AAR2: variants seen among roughly 807,000 people sequenced by gnomAD.
The protein encoded by AAR2 is AAR2 splicing factor.
AAR2 carries 31 observed loss-of-function variants against 26.9 expected under a neutral mutation model. The observed-to-expected ratio is 1.15, with a 90% CI of 0.86 to 1.55. AAR2 has a LOEUF of 1.55. AAR2 is among the 40% of genes most tolerant of loss of function. The pLI is 0.00. For synonymous variants in AAR2, 188 were observed against 196.1 expected, an observed-to-expected ratio of 0.96 and a Z score of 0.34; for missense variants, 430 against 491.3, an observed-to-expected ratio of 0.88 and a Z score of 1.18.
At chr20:36,244,496 T>G (rs1345326447) in intron 2 of AAR2, among the ~76,000 whole-genome samples, 1 of 152,246 alleles carries the variant, frequency 6.6e-6, no homozygotes, top group Non-Finnish European at 1.5e-5. Context: ...TTCCCATGGC[T>G]TGAATTCATA....
chr20:36,243,380 G>A (rs2064702638), intron 2 of AAR2, among the ~76,000 whole-genome samples: 1 of 152,188 alleles, frequency 6.6e-6, no homozygotes, highest in African/African-American at 2.4e-5. Context: ...TCTAAACCAG[G>A]TAGCTATTCA....
chr20:36,255,576 A>G lies in AAR2; in HGVS notation c.988-2A>G. 2 of 1,614,148 alleles carry G rather than the reference A, an allele frequency of 1.2e-6. No homozygotes were observed. Among genetic ancestry groups the G allele is most frequent in the Middle Eastern group, 1.6e-4 (1 of 6,062 alleles). ...GAGTGACTTATCCTCTGTTCTCTGT[A>G]GGTTTTCTTTTCCTCTGCCTGCAGC... On this transcript the variant is annotated splice_acceptor_variant, in intron 3 of 3. Coordinates refer to ENST00000320849, the MANE Select transcript of AAR2 (RefSeq NM_001271874.2). LOFTEE classifies it high-confidence loss of function.
intron 3 of AAR2, 83 bp from the exon 4 acceptor site, chr20:36,255,495 G>T: frequency 6.6e-7 from 1 of 1,520,714 alleles, no homozygotes; most frequent in Non-Finnish European, 9.0e-7. Flanking sequence ...CAGAAGAGCC[G>T]AACACCATGA....
At chr20:36,254,438 G>GT (rs1023943599) in intron 3 of AAR2, among the ~76,000 whole-genome samples, 39 of 151,928 alleles carry the variant, frequency 2.6e-4, no homozygotes, top group Admixed American at 3.9e-4. Context: ...CCAGGGCCTG[G>GT]TGGGAGGAGG....
chr20:36,251,018 G>A (rs887619071), intron 3 of AAR2, among the ~76,000 whole-genome samples: 4 of 151,912 alleles, frequency 2.6e-5, no homozygotes, highest in African/African-American at 7.2e-5. Flanking sequence ...GCAACATGGC[G>A]AAACCCTGTC....
rs560393190 is a variant in AAR2, at chr20:36,255,919, G to T, written c.*174G>T. ...ATAAATATATTTCTTCATTGCCAAA[G>T]AGGCTGTACCCATCCTGAAGGCACA... is the stretch of plus-strand genomic sequence containing the variant. On this transcript the variant is annotated 3_prime_UTR_variant, in exon 4 of 4. Transcript: ENST00000320849. The T allele has an allele frequency of 7.7e-6, 7 of 914,478 alleles. No homozygotes were observed. The Admixed American group carries it at 1.8e-4, about 23-fold the overall frequency. 56.6% of individuals were successfully genotyped at this position (914,478 alleles called of 1,614,324 possible). A position where few individuals can be genotyped will look rare whatever the true frequency, so the allele number is the denominator to read the frequency against.
intron 1 of AAR2, chr20:36,236,756 T>A (rs2064611030): frequency 6.6e-6 from 1 of 152,262 alleles, no homozygotes; most frequent in Admixed American, 6.5e-5. Context: ...TCGACCTGGC[T>A]CTGCCCTACT....
chr20:36,254,069 A>G (rs1279515185), intron 3 of AAR2, among the ~76,000 whole-genome samples: 7 of 152,204 alleles, frequency 4.6e-5, no homozygotes, highest in African/African-American at 1.7e-4. Flanking sequence ...TTCCCGTATG[A>G]TCCAACAGCT....
chr20:36,238,052 G>A (rs575582830), intron 1 of AAR2, among the ~76,000 whole-genome samples: 2 of 152,154 alleles, frequency 1.3e-5, no homozygotes, highest in East Asian at 1.9e-4. Flanking sequence ...CCAAAGTGCT[G>A]TGATTACAGG....
intron 1 of AAR2, among the ~76,000 whole-genome samples, chr20:36,239,375 G>A (rs1263686312): frequency 1.3e-5 from 2 of 152,184 alleles, no homozygotes; most frequent in African/African-American, 4.8e-5. Flanking sequence ...AATCTTTTGG[G>A]ATAGTTTTTT....
At chr20:36,254,748 G>T (rs750792720) in intron 3 of AAR2, among the ~76,000 whole-genome samples, 5 of 152,164 alleles carry the variant, frequency 3.3e-5, no homozygotes, top group Non-Finnish European at 5.9e-5. Context: ...ATGCTCCTCA[G>T]CTTCACATGG....
intron 3 of AAR2, among the ~76,000 whole-genome samples, chr20:36,252,631 G>A (rs917248219): frequency 1.3e-5 from 2 of 152,160 alleles, no homozygotes; most frequent in South Asian, 2.1e-4. Context: ...AGGGAAAAGC[G>A]TGTGTGCAGA....
At position 36,254,009 on chromosome 20, in the gene AAR2, T is replaced by C. The variant is rs145279106; in HGVS notation, c.988-1569T>C. ...CATTGCTGGTGGGAATATAAAATGG[T>C]ACGGCCCCTGTGAAAAACTGTGGCA... On this transcript the variant is annotated intron_variant, in intron 3 of 3. Coordinates refer to ENST00000320849, the MANE Select transcript of AAR2 (RefSeq NM_001271874.2). Among the ~76,000 whole-genome samples the C allele has an allele frequency of 1.4e-4, 21 of 152,320 alleles. No homozygotes were observed. The East Asian group carries it at 3.3e-3, about 24-fold the overall frequency.
At chr20:36,250,747 T>C (rs2064773578) in intron 3 of AAR2, among the ~76,000 whole-genome samples, 1 of 152,142 alleles carries the variant, frequency 6.6e-6, no homozygotes, top group South Asian at 2.1e-4. Context: ...AACTCAGAAC[T>C]GGATACCAAA....
Position 36,244,919 on chromosome 20 carries a change from C to T in AAR2, c.980C>T (p.Thr327Ile), listed in dbSNP as rs983831798. The change falls in exon 3 of 4, where the codon ACC (threonine) becomes ATC (isoleucine). Residue 327 changes from threonine to isoleucine, a missense_variant. Coordinates refer to ENST00000320849, the MANE Select transcript of AAR2 (RefSeq NM_001271874.2). ...TCCCAAGACAACTTCCTCACCAGCA[C>T]CTTACAGGTGAGCAGTCTTTCTGAC... is the stretch of plus-strand genomic sequence containing the variant. ...IVSQDNFLTSTLQVFFSSACS... is the reference protein window; with the variant it reads ...IVSQDNFLTSILQVFFSSACS... 6.2e-7 allele frequency: 1 copy of T among 1,612,640 alleles called. No individual in the cohort carries two copies. Among genetic ancestry groups the T allele is most frequent in the Non-Finnish European group, 8.5e-7 (1 of 1,178,644 alleles).
At chr20:36,249,597 A>G (rs1261449957) in intron 3 of AAR2, among the ~76,000 whole-genome samples, 1 of 152,198 alleles carries the variant, frequency 6.6e-6, no homozygotes, top group Non-Finnish European at 1.5e-5. Context: ...TTTTATCACG[A>G]TGCCCACTAT....
Position 36,244,684 on chromosome 20 carries a change from C to T in AAR2, c.758-13C>T, listed in dbSNP as rs1043152983. 2 of 1,604,430 alleles carry T rather than the reference C, an allele frequency of 1.2e-6. No individual in the cohort carries two copies. Among genetic ancestry groups the T allele is most frequent in the Non-Finnish European group, 8.5e-7 (1 of 1,172,384 alleles). On this transcript the variant is annotated splice_polypyrimidine_tract_variant and intron_variant, in intron 2 of 3. Transcript: ENST00000320849. ...TCTCCCTCAGAATCACTTCTCCTCTCTGCACCTTTCAGGTGAACTCCAGTT... is the reference window on the plus strand; with the variant it reads ...TCTCCCTCAGAATCACTTCTCCTCTTTGCACCTTTCAGGTGAACTCCAGTT...
chr20:36,241,924 A>C (rs994919076), intron 2 of AAR2, among the ~76,000 whole-genome samples: 1 of 152,114 alleles, frequency 6.6e-6, no homozygotes, highest in East Asian at 1.9e-4. Flanking sequence ...GTTGCCCATC[A>C]CCTTTGACAG....
chr20:36,237,249 T>A (rs912498840), intron 1 of AAR2, among the ~76,000 whole-genome samples: 13 of 152,190 alleles, frequency 8.5e-5, no homozygotes, highest in African/African-American at 3.1e-4. Context: ...AATTCTGGTT[T>A]TTCAAGAACC....
Sources: allele counts gnomAD v4.1 joint callset (sites outside exome capture counted in the v4.1 genomes callset), GRCh38; gene constraint gnomAD v4.1.1; transcripts MANE v1.5; gene names NCBI Gene and HGNC (gene_info 2026-07-23, HGNC 2026-07-21).